The following MYLK4 variants were observed in gnomAD, a reference collection of about 807,000 sequenced individuals.
The protein encoded by MYLK4 is caMLCK like.
MYLK4 carries 46 observed loss-of-function variants against 48.1 expected under a neutral mutation model. The observed-to-expected ratio is 0.96, with a 90% CI of 0.75 to 1.22. The LOEUF (loss-of-function observed/expected upper bound fraction) is 1.22. Ranked by LOEUF, MYLK4 falls within the 50% of genes most tolerant of loss-of-function variation. The probability of loss-of-function intolerance (pLI) is 0.00; values close to 1 mark genes in which losing one functional copy is unlikely to be tolerated. For synonymous variants in MYLK4, 170 were observed against 180.8 expected (o/e 0.94, Z 0.48); for missense variants, 451 against 486.1 (o/e 0.93, Z 0.68).
At chr6:2,679,686 T>G (rs1016895699) in intron 8 of MYLK4, among the ~76,000 whole-genome samples, 2 of 152,228 alleles carry the variant, frequency 1.3e-5, no homozygotes, top group African/African-American at 4.8e-5. Context: ...TTACAGAAGA[T>G]GACAAGAGGA....
At chr6:2,730,479 A>C (rs1233969407) in intron 2 of MYLK4, among the ~76,000 whole-genome samples, 1 of 152,192 alleles carries the variant, frequency 6.6e-6, no homozygotes, top group Non-Finnish European at 1.5e-5. Context: ...GTGTGGTTAA[A>C]GGCCCTGGCA....
At chr6:2,766,131 G>C in the MYLK4 span, 2 of 1,241,228 alleles carry the variant, frequency 1.6e-6, no homozygotes, top group Non-Finnish European at 1.0e-6. Context: ...GAGGCCGTGG[G>C]CGACGGCGAT....
the MYLK4 span, among the ~76,000 whole-genome samples, chr6:2,761,737 C>G: frequency 6.6e-6 from 1 of 152,188 alleles, no homozygotes; most frequent in Non-Finnish European, 1.5e-5. Flanking sequence ...GGTCTAGAGT[C>G]ATTTTCACCT....
intron 10 of MYLK4, among the ~76,000 whole-genome samples, chr6:2,675,510 C>T (rs555801426): frequency 6.6e-6 from 1 of 152,034 alleles, no homozygotes; most frequent in Admixed American, 6.6e-5. Context: ...TGATGATTGC[C>T]AAAGCAATTT....
At chr6:2,740,034 C>T (rs77818373) in intron 2 of MYLK4, among the ~76,000 whole-genome samples, 9,232 of 152,234 alleles carry the variant, frequency 0.061, 374 homozygotes, top group Non-Finnish European at 0.092. Context: ...CTGTGAAGCA[C>T]GAAGTTGGGT....
chr6:2,688,605 C>T (rs1410573503), intron 4 of MYLK4, among the ~76,000 whole-genome samples: 1 of 152,078 alleles, frequency 6.6e-6, no homozygotes, highest in Non-Finnish European at 1.5e-5. Context: ...CTTCTGGTGA[C>T]TCACAATGGG....
In MYLK4 at chr6:2,673,575, C is replaced by A. The variant is rs1232981517; in HGVS notation, c.1119+1472G>T. ...CCCATGCTATACCAGGGCAGGGCAC[C>A]AGCCACCCTAACTGATAGGTACATC... On this transcript the variant is annotated intron_variant, in intron 11 of 12. Transcript: ENST00000274643. The surrounding 1 kb of genome is among the most constrained non-coding windows in gnomAD (Gnocchi z 4.2). 6.6e-6 allele frequency among the ~76,000 whole-genome samples: 1 copy of A among 152,130 alleles called. No individual in the cohort carries two copies. The highest frequency in any genetic ancestry group is 2.4e-5 in the African/African-American group (1 of 41,438).
chr6:2,766,533 A>C, the MYLK4 span: 1 of 1,412,500 alleles, frequency 7.1e-7, no homozygotes, highest in Non-Finnish European at 9.3e-7. Context: ...CTGCCCTCGA[A>C]AGAAGCCGCC....
At chr6:2,697,236 A>T (rs1392957698) in intron 2 of MYLK4, among the ~76,000 whole-genome samples, 3 of 152,172 alleles carry the variant, frequency 2.0e-5, no homozygotes, top group Non-Finnish European at 4.4e-5. Flanking sequence ...TGATTTTCTG[A>T]AGTGTGTTTT....
intron 2 of MYLK4, among the ~76,000 whole-genome samples, chr6:2,699,751 A>G (rs1220699896): frequency 6.6e-6 from 1 of 152,070 alleles, no homozygotes; most frequent in East Asian, 1.9e-4. Context: ...TGTTGTAGAA[A>G]GGGTTATATG....
chr6:2,752,150 A>G (rs891579266), upstream of MYLK4, among the ~76,000 whole-genome samples: 8 of 152,206 alleles, frequency 5.3e-5, no homozygotes, highest in African/African-American at 1.9e-4. Flanking sequence ...AACCAACCAC[A>G]GGCTTGAGTG....
the MYLK4 span, among the ~76,000 whole-genome samples, chr6:2,769,505 T>A: frequency 5.0e-4 from 76 of 151,842 alleles, no homozygotes; most frequent in African/African-American, 1.1e-3. Context: ...CTTTAAAAAA[T>A]TTTTTTTTGT....
chr6:2,753,035 G>T (rs1197663269), upstream of MYLK4, among the ~76,000 whole-genome samples: 1 of 152,210 alleles, frequency 6.6e-6, no homozygotes, highest in African/African-American at 2.4e-5. Flanking sequence ...CATGCTTAAA[G>T]ATGCTCTTAT....
intron 2 of MYLK4, 138 bp from the exon 3 acceptor site, chr6:2,692,997 C>T (rs754083833): frequency 3.3e-4 from 241 of 733,216 alleles, no homozygotes; most frequent in Non-Finnish European, 4.5e-4. Flanking sequence ...CATCACTGGC[C>T]TCTATCCACC....
chr6:2,738,551 G>A (rs186692929), intron 2 of MYLK4, among the ~76,000 whole-genome samples: 87 of 152,316 alleles, frequency 5.7e-4, no homozygotes, highest in Non-Finnish European at 9.7e-4. Context: ...CTGCATTGCC[G>A]CAGTAACTTT....
chr6:2,755,625 T>C (rs1764411197), upstream of MYLK4, among the ~76,000 whole-genome samples: 1 of 152,194 alleles, frequency 6.6e-6, no homozygotes, highest in South Asian at 2.1e-4. Context: ...CACTGCAGCC[T>C]TGACCTTGGC....
chr6:2,736,952 C>A (rs1763696131), intron 2 of MYLK4, among the ~76,000 whole-genome samples: 1 of 152,256 alleles, frequency 6.6e-6, no homozygotes, highest in Admixed American at 6.5e-5. Flanking sequence ...ACCTGGCTCT[C>A]ATGACATACT....
Position 2,670,543 on chromosome 6 carries a change from T to C in MYLK4, c.*25+733A>G, listed in dbSNP as rs111261942. On this transcript the variant is annotated intron_variant, in intron 12 of 12. Coordinates refer to ENST00000274643, the MANE Select transcript of MYLK4 (RefSeq NM_001012418.5). The stretch of plus-strand genomic sequence containing the variant: ...CCCCGGCAAGGACATGAATGTTGGG[T>C]TTTCTTAGAGTCCTTCATAAGTACA... 7.3e-3 allele frequency among the ~76,000 whole-genome samples: 1,106 copies of C among 152,092 alleles called. 9 individuals are homozygous for C. The highest frequency in any genetic ancestry group is 0.024 in the African/African-American group (1,005 of 41,478).
upstream of MYLK4, among the ~76,000 whole-genome samples, chr6:2,753,434 C>G (rs1411956255): frequency 1.3e-5 from 2 of 152,202 alleles, no homozygotes; most frequent in African/African-American, 4.8e-5. Flanking sequence ...TACTGCATCC[C>G]TGTTACCCAC....
Sources: allele counts gnomAD v4.1 joint callset (sites outside exome capture counted in the v4.1 genomes callset), GRCh38; gene constraint gnomAD v4.1.1; non-coding constraint Gnocchi (gnomAD v3.1); transcripts MANE v1.5; gene names NCBI Gene and HGNC (gene_info 2026-07-23, HGNC 2026-07-21).